ZNF518A: variants seen among roughly 807,000 people sequenced by gnomAD.
The protein encoded by ZNF518A is zinc finger protein 518A.
A neutral mutation model predicts 102.7 loss-of-function variants in ZNF518A; 47 were observed. That is an observed-to-expected ratio of 0.46 (90% CI 0.36 to 0.58). The LOEUF is 0.58. ZNF518A is among the 20% of genes least tolerant of loss of function. The pLI, the probability that ZNF518A is intolerant of heterozygous loss-of-function variation, is 0.00. For synonymous variants in ZNF518A, 652 were observed against 594.6 expected (o/e 1.10, Z -1.40); for missense variants, 1,793 against 1,699.8 (o/e 1.05, Z -0.96).
At chr10:96,130,243 T>A (rs928278090), upstream of ZNF518A, 5 of 152,468 alleles carry the variant, frequency 3.3e-5, no homozygotes, top group African/African-American at 9.7e-5. Flanking sequence ...GGGATCCGCC[T>A]CTTGTGAGAG....
At position 96,156,335 on chromosome 10, in the gene ZNF518A, C is replaced by G. The variant is rs781898554; in HGVS notation, c.13C>G (p.Gln5Glu). 3 of 1,572,948 alleles carry G rather than the reference C, an allele frequency of 1.9e-6. No homozygotes were observed. The highest frequency in any genetic ancestry group is 2.6e-6 in the Non-Finnish European group (3 of 1,165,574). The change falls in exon 6 of 6, where the codon CAG becomes GAG. Residue 5 changes from glutamine to glutamate, a missense_variant. Coordinates refer to ENST00000316045, the MANE Select transcript of ZNF518A (RefSeq NM_001330736.2). ...TTTTGGTTAAATCATGCCATCTGAA[C>G]AGAAACAGTTATTTTGTGATGAAAA... The part of the protein sequence containing the change: MPSE[Q>E]KQLFCDEKQT...
chr10:96,202,424 G>C (rs1386177046), intron 1 of ZNF518A, among the ~76,000 whole-genome samples: 1 of 152,176 alleles, frequency 6.6e-6, no homozygotes, highest in Non-Finnish European at 1.5e-5. Flanking sequence ...TATTTTGAAG[G>C]AATAGCTGGA....
intron 1 of ZNF518A, chr10:96,190,197 T>C (rs1463972550): frequency 7.7e-6 from 6 of 778,676 alleles, no homozygotes; most frequent in Non-Finnish European, 1.4e-5. Flanking sequence ...GGGGCTCACG[T>C]CCATGTCCAT....
intron 1 of ZNF518A, among the ~76,000 whole-genome samples, chr10:96,170,710 C>A (rs2083168305): frequency 6.6e-6 from 1 of 152,160 alleles, no homozygotes; most frequent in Admixed American, 6.5e-5. Context: ...GCTATTTTCA[C>A]TGACACCACA....
At chr10:96,195,284 A>G (rs2083437461) in intron 1 of ZNF518A, among the ~76,000 whole-genome samples, 1 of 152,238 alleles carries the variant, frequency 6.6e-6, no homozygotes, top group African/African-American at 2.4e-5. Context: ...TAGAATACCC[A>G]TATCATCCAG....
rs1369225055 is a variant in ZNF518A at position 96,161,835 on chromosome 10, A to T, written c.*1061A>T. On this transcript the variant is annotated 3_prime_UTR_variant, in exon 6 of 6. Transcript: ENST00000316045. Reference sequence around the variant, plus strand: ...TTCTCAGTGTGACTGACAACCCAAAACATATATACAGATTGTTGGCATTTG... The same window carrying T: ...TTCTCAGTGTGACTGACAACCCAAATCATATATACAGATTGTTGGCATTTG... The T allele has an allele frequency of 4.2e-5, 7 of 166,968 alleles. No homozygotes were observed. The highest frequency in any genetic ancestry group is 1.0e-4 in the Non-Finnish European group (7 of 68,034). 10.3% of individuals were successfully genotyped at this position (166,968 alleles called of 1,614,324 possible).
chr10:96,187,595 G>A lies in ZNF518A; in HGVS notation n.36-15979G>A, dbSNP rs371669997. On this transcript the variant is annotated intron_variant and non_coding_transcript_variant, in intron 1 of 2. Transcript: ENST00000442635. ...CACAATCAGGCTTGTGCTGGACACA[G>A]GCGTAGCTTTTTCATGTCTATTGTC... Among the ~76,000 whole-genome samples, 270 of 152,320 alleles carry A rather than the reference G, an allele frequency of 1.8e-3. 4 individuals are homozygous for A. The South Asian group carries it at 0.031, about 18-fold the overall frequency.
rs782710920 is a variant in ZNF518A at position 96,136,393 on chromosome 10, ATATT to A, written c.-302+2755_-302+2758del. ...GGAAAGGTAAGAAGAAATGTTATATATATTTATTTATTTCTTCTTACCTTTCCCT... is the reference window on the plus strand; with the variant it reads ...GGAAAGGTAAGAAGAAATGTTATATATATTTATTTCTTCTTACCTTTCCCT... On this transcript the variant is annotated intron_variant, in intron 3 of 5. Transcript: ENST00000316045. Among the ~76,000 whole-genome samples, 31 of 150,046 alleles carry A rather than the reference ATATT, an allele frequency of 2.1e-4. 1 individual carries two copies. In the South Asian group the frequency reaches 3.4e-3, roughly 17 times the overall value.
rs1554882856 is a variant in ZNF518A at position 96,156,914 on chromosome 10, A to T, written c.592A>T (p.Thr198Ser). The stretch of plus-strand genomic sequence containing the variant: ...TTTACTGAACTTGACAAAGCATTTC[A>T]CATCCACACATTGTGTTAATGGTAA... Reference protein sequence around the residue: ...YTLLNLTKHFTSTHCVNGNFQ... With the variant: ...YTLLNLTKHFSSTHCVNGNFQ... The change falls in exon 6 of 6, where the codon ACA becomes TCA. Residue 198 changes from threonine to serine, a missense_variant. This residue lies in a region of ZNF518A where 1,741 missense variants were observed against 1,622.6 expected (regional missense o/e 1.07). Coordinates refer to ENST00000316045, the MANE Select transcript of ZNF518A (RefSeq NM_001330736.2). 6.2e-7 allele frequency: 1 copy of T among 1,613,758 alleles called. No homozygotes were observed. The highest frequency in any genetic ancestry group is 8.5e-7 in the Non-Finnish European group (1 of 1,179,806).
At position 96,159,081 on chromosome 10, in the gene ZNF518A, C is replaced by T; in HGVS notation, c.2759C>T (p.Pro920Leu). Residue 920 changes from proline to leucine, a missense_variant, in exon 6 of 6, where the codon CCA becomes CTA. Transcript: ENST00000316045. ...TTAGGTTCTTTTTATATGCAGAGTC[C>T]ACTTTTAAATTCAGAACAAAAAAAA... Reference protein sequence around the residue: ...QNLGSFYMQSPLLNSEQKKTI... With the variant: ...QNLGSFYMQSLLLNSEQKKTI... The T allele has an allele frequency of 6.2e-7, 1 of 1,612,856 alleles. No individual in the cohort carries two copies. The highest frequency in any genetic ancestry group is 8.5e-7 in the Non-Finnish European group (1 of 1,179,574).
rs1554886647 is a variant in ZNF518A at position 96,159,947 on chromosome 10, A to G, written c.3625A>G (p.Thr1209Ala). ...AATGCCAGCAAATGAAATTGTGATA[A>G]CTTCTACTGCAACATGCCCAGAATC... is the stretch of plus-strand genomic sequence containing the variant. ...DLMPANEIVI[T>A]STATCPESSE... is the part of the protein sequence containing the mutation. Residue 1209 changes from threonine (T) to alanine (A), a missense_variant, in exon 6 of 6, where the codon ACT becomes GCT. Thr to Ala is a moderately conservative substitution (Grantham distance 58, BLOSUM62 0). Coordinates refer to ENST00000316045, the MANE Select transcript of ZNF518A (RefSeq NM_001330736.2). The G allele has an allele frequency of 6.2e-7, 1 of 1,613,512 alleles. No homozygotes were observed. The highest frequency in any genetic ancestry group is 1.3e-5 in the African/African-American group (1 of 75,026).
At chr10:96,190,911 C>T (rs782165496) in intron 1 of ZNF518A, among the ~76,000 whole-genome samples, 1 of 152,180 alleles carries the variant, frequency 6.6e-6, no homozygotes. Context: ...GGCTTTTAGT[C>T]TAGCTTTGCT....
intron 1 of ZNF518A, among the ~76,000 whole-genome samples, chr10:96,169,217 C>T (rs1591271691): frequency 6.6e-6 from 1 of 152,202 alleles, no homozygotes; most frequent in Non-Finnish European, 1.5e-5. Flanking sequence ...GTTGCCCAGT[C>T]TGGTCTTGAA....
intron 3 of ZNF518A, among the ~76,000 whole-genome samples, chr10:96,149,846 A>G (rs1001342240): frequency 1.5e-4 from 23 of 152,026 alleles, no homozygotes; most frequent in Non-Finnish European, 2.8e-4. Context: ...CAATGTATAT[A>G]TTTTCCTCAA....
At chr10:96,138,011 T>A (rs1434723539) in intron 3 of ZNF518A, among the ~76,000 whole-genome samples, 4 of 151,882 alleles carry the variant, frequency 2.6e-5, no homozygotes, top group African/African-American at 9.7e-5. Flanking sequence ...TCTAGAGTTA[T>A]CCTTGACATG....
rs2082699498 is a variant in ZNF518A at position 96,156,497 on chromosome 10, A to G, written c.175A>G (p.Asn59Asp). The change falls in exon 6 of 6, where the codon AAT becomes GAT. Residue 59 changes from asparagine to aspartate, a missense_variant. By Grantham distance (23) the Asn-to-Asp change is conservative. Around this residue, in one of 3 missense-constraint regions of ZNF518A, gnomAD observed 1,741 missense variants for 1,622.6 expected, o/e 1.07. Transcript: ENST00000316045. ...KIDLPKINIP[N>D]EVLLKHEVDK... The stretch of plus-strand genomic sequence containing the variant: ...TGATTTGCCAAAAATAAATATTCCA[A>G]ATGAAGTCCTATTGAAACATGAAGT... 14 of 1,610,774 alleles carry G rather than the reference A, an allele frequency of 8.7e-6. No homozygotes were observed. The highest frequency in any genetic ancestry group is 1.2e-5 in the Non-Finnish European group (14 of 1,179,114).
chr10:96,148,395 G>A (rs1016632227), intron 3 of ZNF518A, among the ~76,000 whole-genome samples: 4 of 152,110 alleles, frequency 2.6e-5, no homozygotes, highest in Non-Finnish European at 5.9e-5. Flanking sequence ...AGCTGAGATC[G>A]TGCCATTGCA....
chr10:96,204,221 T>A, downstream of ZNF518A: 1 of 1,028,136 alleles, frequency 9.7e-7, no homozygotes, highest in Non-Finnish European at 1.5e-6. Flanking sequence ...AAAATGTATC[T>A]AAAGATAAAA....
intron 3 of ZNF518A, among the ~76,000 whole-genome samples, chr10:96,139,532 C>T (rs1450994514): frequency 6.6e-6 from 1 of 152,178 alleles, no homozygotes; most frequent in Non-Finnish European, 1.5e-5. Flanking sequence ...ACCAAATCGC[C>T]AGTGCCTTGA....
Sources: allele counts gnomAD v4.1 joint callset (sites outside exome capture counted in the v4.1 genomes callset), GRCh38; gene constraint gnomAD v4.1.1; regional missense constraint gnomAD v4.1.1; transcripts MANE v1.5; gene names NCBI Gene and HGNC (gene_info 2026-07-23, HGNC 2026-07-21).